The following NR3C2 variants were observed in gnomAD, a reference collection of about 807,000 sequenced individuals.
The protein encoded by NR3C2 is nuclear receptor subfamily 3 group C member 2.
A neutral mutation model predicts 86.4 loss-of-function variants in NR3C2; 15 were observed. The ratio of observed to expected loss-of-function variants is 0.17; its 90% CI spans 0.12 to 0.27. The LOEUF is 0.27. NR3C2 is among the 10% of genes least tolerant of loss of function. The probability of loss-of-function intolerance (pLI) is 1.00; values close to 1 mark genes in which losing one functional copy is unlikely to be tolerated. For synonymous variants in NR3C2, 458 were observed against 450.5 expected (o/e 1.02, Z -0.21); for missense variants, 960 against 1,195.6 (o/e 0.80, Z 2.91).
At chr4:148,196,924 C>T (rs1736467490) in intron 3 of NR3C2, among the ~76,000 whole-genome samples, 1 of 152,090 alleles carries the variant, frequency 6.6e-6, no homozygotes, top group Non-Finnish European at 1.5e-5. Context: ...AGAGAGGTTT[C>T]CACTTTTAAA....
At chr4:148,369,417 A>G (rs1488255334) in intron 2 of NR3C2, among the ~76,000 whole-genome samples, 2 of 152,224 alleles carry the variant, frequency 1.3e-5, no homozygotes, top group Non-Finnish European at 2.9e-5. Flanking sequence ...CTTTATGATG[A>G]TAGCATTTGC....
At chr4:148,380,535 G>A (rs1746919184) in intron 2 of NR3C2, among the ~76,000 whole-genome samples, 1 of 152,132 alleles carries the variant, frequency 6.6e-6, no homozygotes, top group African/African-American at 2.4e-5. Context: ...ATTATCCAAA[G>A]CTGTTGTCCA....
chr4:148,211,202 T>C (rs916029768), intron 3 of NR3C2, among the ~76,000 whole-genome samples: 3 of 152,276 alleles, frequency 2.0e-5, no homozygotes, highest in Non-Finnish European at 2.9e-5. Flanking sequence ...CAGTCAAAGA[T>C]AAGGGAAATT....
At chr4:148,139,225 A>G (rs1388250950) in intron 6 of NR3C2, among the ~76,000 whole-genome samples, 1 of 152,186 alleles carries the variant, frequency 6.6e-6, no homozygotes, top group Non-Finnish European at 1.5e-5. Context: ...TTCCATAGTA[A>G]AGGTAGAAGC....
intron 6 of NR3C2, among the ~76,000 whole-genome samples, chr4:148,136,097 A>AAC (rs1733326544): frequency 6.8e-6 from 1 of 148,004 alleles, no homozygotes; most frequent in African/African-American, 2.5e-5. Context: ...AAACACCACC[A>AAC]AAACCAACAA....
At chr4:148,145,320 C>T (rs182724221) in intron 6 of NR3C2, among the ~76,000 whole-genome samples, 44 of 152,278 alleles carry the variant, frequency 2.9e-4, no homozygotes, top group Middle Eastern at 3.4e-3. Flanking sequence ...GCAGGCCACC[C>T]GGCATGCGGA....
chr4:148,316,346 T>C (rs1743172255), intron 2 of NR3C2, among the ~76,000 whole-genome samples: 1 of 152,200 alleles, frequency 6.6e-6, no homozygotes, highest in Admixed American at 6.5e-5. Flanking sequence ...AGTATATTTA[T>C]ATATTTATGC....
intron 4 of NR3C2, among the ~76,000 whole-genome samples, chr4:148,171,623 C>G (rs1352942255): frequency 1.3e-5 from 2 of 152,206 alleles, no homozygotes; most frequent in Non-Finnish European, 2.9e-5. Context: ...AATGTGGCTG[C>G]TGATCTGACA....
intron 2 of NR3C2, among the ~76,000 whole-genome samples, chr4:148,371,343 T>C (rs62333612): frequency 0.11 from 16,099 of 152,232 alleles, 1,003 homozygotes; most frequent in Middle Eastern, 0.31. Flanking sequence ...GCCTTTACTT[T>C]TAATTCTTAT....
chr4:148,335,866 C>T (rs2149974740), intron 2 of NR3C2, among the ~76,000 whole-genome samples: 1 of 151,760 alleles, frequency 6.6e-6, no homozygotes, highest in Admixed American at 6.6e-5. Context: ...TTATTTACAA[C>T]ACAGAAAACA....
chr4:148,170,804 A>G (rs1735093138), intron 4 of NR3C2, among the ~76,000 whole-genome samples: 1 of 152,236 alleles, frequency 6.6e-6, no homozygotes, highest in South Asian at 2.1e-4. Flanking sequence ...CTTTTAATCT[A>G]CAAACATAAT....
At chr4:148,098,020 C>T (rs770178676) in intron 8 of NR3C2, among the ~76,000 whole-genome samples, 5 of 152,030 alleles carry the variant, frequency 3.3e-5, no homozygotes, top group Non-Finnish European at 4.4e-5. Flanking sequence ...TCCACACTTC[C>T]GCCCACTCCC....
chr4:148,182,704 C>A (rs1735700555), intron 4 of NR3C2, among the ~76,000 whole-genome samples: 1 of 152,214 alleles, frequency 6.6e-6, no homozygotes, highest in South Asian at 2.1e-4. Flanking sequence ...GATAGCTGAG[C>A]CACTTTGCCT....
intron 2 of NR3C2, among the ~76,000 whole-genome samples, chr4:148,325,724 G>C (rs1019958723): frequency 6.6e-6 from 1 of 152,182 alleles, no homozygotes; most frequent in Non-Finnish European, 1.5e-5. Context: ...GTAGCAAATG[G>C]TAAGTTTTTC....
At chr4:148,136,073 A>C (rs1437697038) in intron 6 of NR3C2, among the ~76,000 whole-genome samples, 1,669 of 45,802 alleles carry the variant, frequency 0.036, 91 homozygotes, top group African/African-American at 0.078. Flanking sequence ...AAAAAAAAAA[A>C]AAACAAAAAA....
At chr4:148,286,913 G>C (rs886521848) in intron 2 of NR3C2, among the ~76,000 whole-genome samples, 1 of 152,198 alleles carries the variant, frequency 6.6e-6, no homozygotes, top group Non-Finnish European at 1.5e-5. Flanking sequence ...TCGTTAGAGA[G>C]TCAAGTCCTC....
At chr4:148,313,690 T>C (rs542759740) in intron 2 of NR3C2, among the ~76,000 whole-genome samples, 102 of 152,262 alleles carry the variant, frequency 6.7e-4, no homozygotes, top group African/African-American at 2.2e-3. Context: ...TCTCAAAGGT[T>C]TTTCAGATAT....
intron 2 of NR3C2, among the ~76,000 whole-genome samples, chr4:148,321,487 C>T (rs1029294631): frequency 7.2e-5 from 11 of 152,022 alleles, no homozygotes; most frequent in African/African-American, 2.7e-4. Context: ...GTGTTAAAAT[C>T]TCCCATTATT....
At chr4:148,169,000 G>A (rs895080323) in intron 4 of NR3C2, among the ~76,000 whole-genome samples, 7 of 152,130 alleles carry the variant, frequency 4.6e-5, no homozygotes, top group African/African-American at 1.7e-4. Context: ...TTGTTGACCT[G>A]ACTATCAAAG....
Sources: allele counts gnomAD v4.1 joint callset (sites outside exome capture counted in the v4.1 genomes callset), GRCh38; gene constraint gnomAD v4.1.1; transcripts MANE v1.5; gene names NCBI Gene and HGNC (gene_info 2026-07-23, HGNC 2026-07-21).